The following MORN1 variants were observed in gnomAD, a reference collection of about 807,000 sequenced individuals.
MORN1 encodes MORN repeat-containing protein 1.
In MORN1, 67 loss-of-function variants were observed where a neutral mutation model predicts 61.9. The observed-to-expected ratio is 1.08, with a 90% CI of 0.89 to 1.33. The LOEUF is 1.33. MORN1 is among the 40% of genes most tolerant of loss of function. MORN1 has a pLI of 0.00. For synonymous variants in MORN1, 301 were observed against 292.0 expected (o/e 1.03, Z -0.31); for missense variants, 752 against 691.2 (o/e 1.09, Z -0.99).
intron 10 of MORN1, among the ~76,000 whole-genome samples, chr1:2,343,378 G>C (rs866244445): frequency 6.6e-6 from 1 of 152,180 alleles, no homozygotes; most frequent in Non-Finnish European, 1.5e-5. Flanking sequence ...CAGAGCCGCC[G>C]GGCCCTGGGG....
intron 13 of MORN1, chr1:2,322,567 AC>A (rs1475985399): frequency 1.0e-6 from 1 of 984,002 alleles, no homozygotes; most frequent in African/African-American, 1.8e-5. Context: ...AAAAAAAAAA[AC>A]ACGGTTCTGG....
At chr1:2,351,650 G>A (rs1278760261) in intron 10 of MORN1, 15 of 347,712 alleles carry the variant, frequency 4.3e-5, no homozygotes, top group East Asian at 7.7e-5. Flanking sequence ...CTTTAGAAGC[G>A]GAGGGGCCCG....
At chr1:2,388,577 C>T in intron 2 of MORN1, 1 of 478,560 alleles carries the variant, frequency 2.1e-6, no homozygotes, top group East Asian at 3.9e-5. Flanking sequence ...GAAGTGCAGG[C>T]AGCCAGCCTG....
In MORN1 at chr1:2,324,095, A is replaced by G; in HGVS notation, c.1297+2T>C. On this transcript the variant is annotated splice_donor_variant, in intron 13 of 13. Transcript: ENST00000378531. LOFTEE classifies it high-confidence loss of function. Reference sequence around the variant, plus strand: ...CGATGGACTTGGGCCCTGTCCACCTACCTAGGTGTGCTGCCGCAGCCTGCT... The same window carrying G: ...CGATGGACTTGGGCCCTGTCCACCTGCCTAGGTGTGCTGCCGCAGCCTGCT... 1 of 1,596,922 alleles carries G rather than the reference A, an allele frequency of 6.3e-7. No individual in the cohort carries two copies. The highest frequency in any genetic ancestry group is 8.5e-7 in the Non-Finnish European group (1 of 1,173,466).
At chr1:2,341,692 GAAAAAAAAAAA>G (rs68071614) in intron 10 of MORN1, among the ~76,000 whole-genome samples, 2 of 133,782 alleles carry the variant, frequency 1.5e-5, no homozygotes, top group Non-Finnish European at 3.3e-5. Context: ...TCCGTCTCAA[GAAAAAAAAAAA>G]AAAAAAAGAA....
At chr1:2,368,313 C>T (rs142816771) in intron 8 of MORN1, among the ~76,000 whole-genome samples, 25 of 152,358 alleles carry the variant, frequency 1.6e-4, no homozygotes, top group African/African-American at 4.8e-4. Flanking sequence ...TCCTGCAGAG[C>T]GGGGCTGCCC....
chr1:2,344,033 C>T (rs1460876876), intron 10 of MORN1, among the ~76,000 whole-genome samples: 2 of 152,112 alleles, frequency 1.3e-5, no homozygotes, highest in East Asian at 3.9e-4. Context: ...GGACCTCCTT[C>T]CCGGCCATCG....
At chr1:2,350,422 C>G (rs1411894635) in intron 10 of MORN1, 2 of 152,208 alleles carry the variant, frequency 1.3e-5, no homozygotes, top group Non-Finnish European at 2.9e-5. Context: ...GATTTGCCCT[C>G]TTTGTCGATT....
rs536335141 is a variant in MORN1 at position 2,330,146 on chromosome 1, C to T, written c.1251-6003G>A. On this transcript the variant is annotated intron_variant, in intron 12 of 13. Coordinates refer to ENST00000378531, the MANE Select transcript of MORN1 (RefSeq NM_024848.3). ...GGCACAGGCCTCCCCACCTGGGCTG[C>T]GAGTCACAGGCTGCTTTGCTGGCCA... 8.3e-4 allele frequency among the ~76,000 whole-genome samples: 126 copies of T among 152,326 alleles called. 2 individuals are homozygous for T. The highest frequency in any genetic ancestry group is 1.7e-3 in the South Asian group (8 of 4,832).
chr1:2,384,161 G>C (rs1029088793), intron 6 of MORN1, among the ~76,000 whole-genome samples: 4 of 152,030 alleles, frequency 2.6e-5, no homozygotes, highest in Non-Finnish European at 4.4e-5. Context: ...TGGAGTGATC[G>C]GTGTTGCTTC....
chr1:2,322,769 G>C, intron 13 of MORN1: 1 of 985,452 alleles, frequency 1.0e-6, no homozygotes, highest in South Asian at 4.7e-5. Context: ...GCGCTGGCCG[G>C]GGGGCCGAGA....
At position 2,385,074 on chromosome 1, in the gene MORN1, C is replaced by A; in HGVS notation, c.450-9G>T. On this transcript the variant is annotated splice_polypyrimidine_tract_variant and intron_variant, in intron 5 of 13. Transcript: ENST00000378531. ...CGTACTTGTCACCGTTCCTGGGGGA[C>A]ACACGCACGGAGTCCACTCTCAACA... The A allele has an allele frequency of 1.3e-6, 2 of 1,582,132 alleles. 1 individual carries two copies. Among genetic ancestry groups the A allele is most frequent in the South Asian group, 2.3e-5 (2 of 86,864 alleles).
At chr1:2,389,068 C>A (rs2100380849) in intron 2 of MORN1, among the ~76,000 whole-genome samples, 1 of 145,752 alleles carries the variant, frequency 6.9e-6, no homozygotes, top group East Asian at 2.0e-4. Flanking sequence ...GCCGAGATGG[C>A]AGCATTGCAC....
chr1:2,333,780 C>T (rs2643898), intron 12 of MORN1, among the ~76,000 whole-genome samples: 36,757 of 152,230 alleles, frequency 0.24, 4,897 homozygotes, highest in East Asian at 0.5. Flanking sequence ...GTGCCTGGCA[C>T]GGGCTGAGGA....
At chr1:2,327,632 C>T (rs1310145333) in intron 12 of MORN1, among the ~76,000 whole-genome samples, 1 of 152,222 alleles carries the variant, frequency 6.6e-6, no homozygotes. Context: ...TGGACGGCTG[C>T]GAGTGGCCCG....
intron 10 of MORN1, among the ~76,000 whole-genome samples, chr1:2,342,588 T>C (rs1050205949): frequency 1.3e-5 from 2 of 152,064 alleles, no homozygotes; most frequent in African/African-American, 2.4e-5. Flanking sequence ...ACAAGACACA[T>C]GGGGGGCCTC....
intron 6 of MORN1, among the ~76,000 whole-genome samples, chr1:2,383,755 C>T (rs974759808): frequency 1.3e-5 from 2 of 152,220 alleles, no homozygotes; most frequent in African/African-American, 2.4e-5. Flanking sequence ...TGGTCATCTT[C>T]GTGGCTGCGA....
chr1:2,351,556 C>G (rs1250265721), intron 10 of MORN1: 4 of 210,336 alleles, frequency 1.9e-5, no homozygotes, highest in Non-Finnish European at 3.9e-5. Flanking sequence ...CATTGCGCTT[C>G]TTGTCTCTGT....
intron 12 of MORN1, among the ~76,000 whole-genome samples, chr1:2,333,752 G>A (rs1032785353): frequency 2.6e-5 from 4 of 152,234 alleles, no homozygotes; most frequent in Admixed American, 6.5e-5. Context: ...CCTGCCTGCC[G>A]ACAGTGAGCC....
Sources: allele counts gnomAD v4.1 joint callset (sites outside exome capture counted in the v4.1 genomes callset), GRCh38; gene constraint gnomAD v4.1.1; transcripts MANE v1.5; gene names NCBI Gene and HGNC (gene_info 2026-07-23, HGNC 2026-07-21).